RYR2: variants seen among roughly 807,000 people sequenced by gnomAD.
The protein encoded by RYR2 is cardiac muscle ryanodine receptor-calcium release channel.
RYR2 carries 227 observed loss-of-function variants against 601.1 expected under a neutral mutation model. The observed-to-expected ratio is 0.38, with a 90% confidence interval of 0.34 to 0.42. The LOEUF (loss-of-function observed/expected upper bound fraction) is 0.42, where lower values mean the gene tolerates loss of function less well. RYR2 is among the 10% of genes least tolerant of loss of function. RYR2 has a pLI of 1.00. For missense variants in RYR2, 4,646 were observed against 6,156.5 expected, an observed-to-expected ratio of 0.75 and a Z score of 8.21; for synonymous variants, 2,223 against 2,175.1, an observed-to-expected ratio of 1.02 and a Z score of -0.61.
intron 21 of RYR2, among the ~76,000 whole-genome samples, chr1:237,503,007 G>A (rs1664830735): frequency 6.6e-6 from 1 of 152,116 alleles, no homozygotes; most frequent in African/African-American, 2.4e-5. Context: ...AGAATGTGGT[G>A]CATGTGCTTT....
chr1:237,311,226 A>T (rs1234756147), intron 2 of RYR2, among the ~76,000 whole-genome samples: 1 of 152,220 alleles, frequency 6.6e-6, no homozygotes, highest in Admixed American at 6.5e-5. Context: ...CTAAACATAA[A>T]AGCTGATATT....
chr1:237,506,926 T>C, intron 23 of RYR2, 112 bp downstream of exon 23: 1 of 889,826 alleles, frequency 1.1e-6, no homozygotes, highest in South Asian at 1.5e-5. Context: ...GTTGGATTGA[T>C]TTTTTTCCCC....
intron 42 of RYR2, 51 bp from the exon 43 acceptor site, chr1:237,633,526 AT>A: frequency 2.5e-6 from 4 of 1,610,560 alleles, no homozygotes; most frequent in Non-Finnish European, 3.4e-6. Flanking sequence ...TATGAACTCA[AT>A]TTTATAAAGG....
At chr1:237,251,142 A>G (rs543568252) in intron 1 of RYR2, among the ~76,000 whole-genome samples, 108 of 151,786 alleles carry the variant, frequency 7.1e-4, no homozygotes, top group Non-Finnish European at 1.4e-3. Flanking sequence ...TTTCCTTTCC[A>G]TAGTGCCCAA....
chr1:237,069,390 A>G (rs1032581490), intron 1 of RYR2, among the ~76,000 whole-genome samples: 1 of 152,092 alleles, frequency 6.6e-6, no homozygotes, highest in South Asian at 2.1e-4. Context: ...TATATCTAGT[A>G]TAAGTAAATA....
At chr1:237,349,348 A>G (rs1026465592) in intron 3 of RYR2, among the ~76,000 whole-genome samples, 8 of 152,180 alleles carry the variant, frequency 5.3e-5, no homozygotes, top group South Asian at 2.1e-4. Context: ...ATAGCCAGAT[A>G]AAAGTATACT....
chr1:237,672,333 T>C (rs1475206404), intron 58 of RYR2, among the ~76,000 whole-genome samples: 2 of 152,164 alleles, frequency 1.3e-5, no homozygotes, highest in Non-Finnish European at 2.9e-5. Flanking sequence ...GGCCCCAAAA[T>C]CACTGATTAC....
chr1:237,142,033 A>T (rs1419145510), intron 1 of RYR2, among the ~76,000 whole-genome samples: 1 of 152,236 alleles, frequency 6.6e-6, no homozygotes, highest in African/African-American at 2.4e-5. Context: ...CCAGCCAATC[A>T]GATATATTCT....
chr1:237,633,513 A>T, intron 42 of RYR2, 65 bp from the exon 43 acceptor site: 1 of 1,594,166 alleles, frequency 6.3e-7, no homozygotes, highest in South Asian at 1.1e-5. Context: ...TGAGACCTCA[A>T]CGTATGAACT....
chr1:237,731,916 A>ACACACC (rs936901045), intron 77 of RYR2, 130 bp from the exon 78 acceptor site: 380 of 601,284 alleles, frequency 6.3e-4, no homozygotes, highest in Non-Finnish European at 8.2e-4. Flanking sequence ...ACACACACAC[A>ACACACC]CACCCCACAA....
chr1:237,772,169 A>G (rs561549840), intron 86 of RYR2, 69 bp downstream of exon 86: 1 of 849,044 alleles, frequency 1.2e-6, no homozygotes, highest in East Asian at 2.7e-5. Flanking sequence ...GCAGAGTTTT[A>G]ATGTGTTTTG....
At position 237,639,017 on chromosome 1, in the gene RYR2, G is replaced by A; in HGVS notation, c.6931G>A (p.Glu2311Lys). 6.2e-7 allele frequency: 1 copy of A among 1,613,622 alleles called. No individual in the cohort carries two copies. Among genetic ancestry groups the A allele is most frequent in the Middle Eastern group, 1.7e-4 (1 of 5,966 alleles). The change falls in exon 46 of 105, where the codon GAG (glutamate) becomes AAG (lysine). Residue 2311 changes from glutamate (E) to lysine (K), a missense_variant and splice_region_variant. Coordinates refer to ENST00000366574, the MANE Select transcript of RYR2 (RefSeq NM_001035.3). The stretch of plus-strand genomic sequence containing the variant: ...TTATCTTCCCCATTCTACTTTAGGG[G>A]AGAGTGTGGAGGAAAATGCAAATGT... Reference protein sequence around the residue: ...FLRFAVFCNGESVEENANVVV... With the variant: ...FLRFAVFCNGKSVEENANVVV...
intron 1 of RYR2, among the ~76,000 whole-genome samples, chr1:237,107,514 C>A (rs1176240263): frequency 4.9e-4 from 2 of 4,108 alleles, no homozygotes; most frequent in African/African-American, 2.5e-4. Flanking sequence ...AGTGAGACTC[C>A]ATCTCAAAAA....
chr1:237,275,092 GCACACACACA>G (rs111310759), intron 2 of RYR2, among the ~76,000 whole-genome samples: 2 of 144,650 alleles, frequency 1.4e-5, no homozygotes, highest in African/African-American at 5.1e-5. Flanking sequence ...ACACATACAC[GCACACACACA>G]CACACACACA....
In RYR2 at chr1:237,590,672, C is replaced by T. The variant is rs752970338; in HGVS notation, c.3840C>T (p.Ser1280=). 6.4e-7 allele frequency: 1 copy of T among 1,564,422 alleles called. No individual in the cohort carries two copies. The highest frequency in any genetic ancestry group is 1.2e-5 in the South Asian group (1 of 82,106). Reference sequence around the variant, plus strand: ...GAATAGACGGCACCATAGACAGTTCCCCATGTTTAAAGGTCACTCAGAAGT... The same window carrying T: ...GAATAGACGGCACCATAGACAGTTCTCCATGTTTAAAGGTCACTCAGAAGT... ...VTRIDGTIDS[S]PCLKVTQKSF... is the part of the protein sequence containing the mutation. The change falls in exon 31 of 105, where the codon TCC becomes TCT. Residue 1280 remains serine (S), a synonymous_variant. Coordinates refer to ENST00000366574, the MANE Select transcript of RYR2 (RefSeq NM_001035.3).
intron 28 of RYR2, among the ~76,000 whole-genome samples, chr1:237,567,155 T>G (rs1672171327): frequency 6.6e-6 from 1 of 152,220 alleles, no homozygotes; most frequent in Admixed American, 6.5e-5. Flanking sequence ...TAATGTAGTG[T>G]TGTTTATAAT....
chr1:237,680,460 T>C lies in RYR2; in HGVS notation c.8900T>C (p.Val2967Ala). ...EQEIKFFAKV[V>A]LPLIDQYFKN... The stretch of plus-strand genomic sequence containing the variant: ...TCTTCTTTTCCTTTCTTTCAGGTCG[T>C]TCTTCCTTTAATTGATCAGTATTTC... Residue 2967 changes from valine (V) to alanine (A), a missense_variant, in exon 62 of 105, where the codon GTT (valine) becomes GCT (alanine). By Grantham distance (64) the Val-to-Ala change is moderately conservative. Around this residue, in one of 17 missense-constraint regions of RYR2, gnomAD observed 1,497 missense variants for 1,842.6 expected, o/e 0.81. Coordinates refer to ENST00000366574, the MANE Select transcript of RYR2 (RefSeq NM_001035.3). 1 of 1,609,568 alleles carries C rather than the reference T, an allele frequency of 6.2e-7. No homozygotes were observed.
intron 10 of RYR2, among the ~76,000 whole-genome samples, chr1:237,399,208 AAAAT>A (rs916870692): frequency 5.3e-5 from 8 of 152,184 alleles, no homozygotes; most frequent in Non-Finnish European, 1.2e-4. Flanking sequence ...AAAAACATAA[AAAAT>A]AAAAATTGAA....
At chr1:237,717,627 G>GA (rs1399747573) in intron 72 of RYR2, among the ~76,000 whole-genome samples, 1 of 151,968 alleles carries the variant, frequency 6.6e-6, no homozygotes, top group Non-Finnish European at 1.5e-5. Flanking sequence ...CTCTGGTAGT[G>GA]AAAAAAATGG....
Sources: allele counts gnomAD v4.1 joint callset (sites outside exome capture counted in the v4.1 genomes callset), GRCh38; gene constraint gnomAD v4.1.1; regional missense constraint gnomAD v4.1.1; transcripts MANE v1.5; gene names NCBI Gene and HGNC (gene_info 2026-07-23, HGNC 2026-07-21).